Variants in IGLL5 observed in about 807,000 individuals in gnomAD.
IGLL5 encodes immunoglobulin lambda-like polypeptide 5.
A neutral mutation model predicts 20.9 loss-of-function variants in IGLL5; 30 were observed. That is an observed-to-expected ratio of 1.44 (90% CI 1.07 to 1.95). IGLL5 has a LOEUF of 1.95. IGLL5 is among the 30% of genes most tolerant of loss of function. The pLI is 0.00. For synonymous variants in IGLL5, 203 were observed against 117.3 expected (o/e 1.73, Z -4.72); for missense variants, 475 against 270.7 (o/e 1.75, Z -5.30).
intron 1 of IGLL5, among the ~76,000 whole-genome samples, chr22:22,891,181 A>C (rs1309327294): frequency 6.6e-6 from 1 of 150,610 alleles, no homozygotes; most frequent in Non-Finnish European, 1.5e-5. Context: ...CAATATTATA[A>C]ACTCATTTTT....
intron 1 of IGLL5, among the ~76,000 whole-genome samples, chr22:22,889,021 C>T (rs576449013): frequency 4.0e-5 from 6 of 151,302 alleles, no homozygotes; most frequent in East Asian, 4.0e-4. Flanking sequence ...GGCAAGAAGA[C>T]CATAGGGTCC....
intron 2 of IGLL5, among the ~76,000 whole-genome samples, chr22:22,894,462 A>G (rs1443759492): frequency 2.0e-5 from 3 of 151,260 alleles, no homozygotes; most frequent in South Asian, 4.2e-4. Flanking sequence ...CAGGACAGTC[A>G]CCAGAAAGGA....
intron 1 of IGLL5, among the ~76,000 whole-genome samples, chr22:22,888,642 C>T (rs575695499): frequency 6.6e-6 from 1 of 151,304 alleles, no homozygotes; most frequent in Admixed American, 6.6e-5. Flanking sequence ...CCCTCCTCCT[C>T]TCTGCCCATG....
chr22:22,888,434 T>A (rs117021359), intron 1 of IGLL5, among the ~76,000 whole-genome samples, 175 bp downstream of exon 1: 1 of 151,424 alleles, frequency 6.6e-6, no homozygotes, highest in South Asian at 2.1e-4. Flanking sequence ...TTTGTTTGAA[T>A]TACTGTTTTT....
intron 2 of IGLL5, among the ~76,000 whole-genome samples, chr22:22,895,131 T>A (rs188052083): frequency 6.6e-6 from 1 of 150,968 alleles, no homozygotes; most frequent in Non-Finnish European, 1.5e-5. Flanking sequence ...ATTGAGGCTG[T>A]AGAGGAGAGG....
At position 22,888,064 on chromosome 22, in the gene IGLL5, A is replaced by G. The variant is rs1397534954; in HGVS notation, c.11A>G (p.Lys4Arg). The change falls in exon 1 of 3, where the codon AAG (lysine) becomes AGG (arginine). Residue 4 changes from lysine to arginine, a missense_variant. Coordinates refer to ENST00000526893, the MANE Select transcript of IGLL5 (RefSeq NM_001178126.2). ...TGAACCTGAAGGCCAATGAGACCCAAGACAGGCCAAGTGGGTTGTGAGACC... is the reference window on the plus strand; with the variant it reads ...TGAACCTGAAGGCCAATGAGACCCAGGACAGGCCAAGTGGGTTGTGAGACC... MRPKTGQVGCETPE... is the reference protein window; with the variant it reads MRPRTGQVGCETPE... 4 of 1,549,170 alleles carry G rather than the reference A, an allele frequency of 2.6e-6. No homozygotes were observed. Among genetic ancestry groups the G allele is most frequent in the South Asian group, 1.2e-5 (1 of 83,982 alleles).
chr22:22,893,868 G>T (rs191815273), intron 2 of IGLL5, 50 bp downstream of exon 2: 5 of 1,278,730 alleles, frequency 3.9e-6, no homozygotes, highest in Middle Eastern at 1.9e-4. Flanking sequence ...TGCTGTCCCT[G>T]GAAAATCTGT....
chr22:22,889,272 T>A, intron 1 of IGLL5, among the ~76,000 whole-genome samples: 1 of 150,840 alleles, frequency 6.6e-6, no homozygotes, highest in East Asian at 2.0e-4. Flanking sequence ...CAGTTTCCTA[T>A]GAAATGGGAG....
chr22:22,893,161 TTGATGG>T (rs1363646304), intron 1 of IGLL5, among the ~76,000 whole-genome samples: 1 of 150,872 alleles, frequency 6.6e-6, no homozygotes, highest in Non-Finnish European at 1.5e-5. Flanking sequence ...GGATGATAGA[TTGATGG>T]ACAAACAGAT....
chr22:22,894,942 A>G (rs1268699058), intron 2 of IGLL5, among the ~76,000 whole-genome samples: 1 of 151,380 alleles, frequency 6.6e-6, no homozygotes, highest in Admixed American at 6.6e-5. Flanking sequence ...ACAGTCCTAC[A>G]GGATGAGCAG....
At chr22:22,893,878 TTTTCTCTCTCTGGGGCTTCCTCCCC>T (rs2067940344) in intron 2 of IGLL5, 60 bp downstream of exon 2, 1 of 1,190,040 alleles carries the variant, frequency 8.4e-7, no homozygotes, top group Admixed American at 1.7e-5. Flanking sequence ...GGAAAATCTG[TTTTCTCTCTCTGGGGCTTCCTCCCC>T]TCTGTCCTCC....
At chr22:22,894,390 T>C (rs2068025666) in intron 2 of IGLL5, among the ~76,000 whole-genome samples, 5 of 151,392 alleles carry the variant, frequency 3.3e-5, no homozygotes, top group South Asian at 2.1e-4. Flanking sequence ...TGCTGGGTCA[T>C]GAGGACATGG....
intron 1 of IGLL5, 41 bp downstream of exon 1, chr22:22,888,300 G>A (rs571814878): frequency 4.6e-6 from 7 of 1,533,340 alleles, no homozygotes; most frequent in Admixed American, 2.0e-5. Context: ...GGGTCCTGCA[G>A]CAGAGCTGGG....
intron 2 of IGLL5, among the ~76,000 whole-genome samples, chr22:22,894,477 G>A (rs547795492): frequency 2.0e-5 from 3 of 151,548 alleles, no homozygotes; most frequent in South Asian, 2.1e-4. Flanking sequence ...AAAGGAGACA[G>A]TCTCTTAGGG....
At chr22:22,888,460 T>A (rs113528445) in intron 1 of IGLL5, among the ~76,000 whole-genome samples, 17 of 151,288 alleles carry the variant, frequency 1.1e-4, no homozygotes, top group East Asian at 8.1e-4. Context: ...CATATTACGA[T>A]ATTATTTTTC....
intron 2 of IGLL5, among the ~76,000 whole-genome samples, chr22:22,894,907 G>A (rs566724520): frequency 6.6e-6 from 1 of 151,476 alleles, no homozygotes; most frequent in Non-Finnish European, 1.5e-5. Flanking sequence ...GCAGGCTTGG[G>A]TCTCCCCACA....
chr22:22,889,402 T>C (rs575388153), intron 1 of IGLL5, among the ~76,000 whole-genome samples: 6 of 151,230 alleles, frequency 4.0e-5, no homozygotes, highest in East Asian at 4.1e-4. Flanking sequence ...AAAGTGTGTT[T>C]ATCTAAACTG....
intron 2 of IGLL5, among the ~76,000 whole-genome samples, chr22:22,894,304 ACAGAGGT>A (rs2068014293): frequency 6.6e-6 from 1 of 151,254 alleles, no homozygotes; most frequent in African/African-American, 2.4e-5. Context: ...GCCTGGTGAC[ACAGAGGT>A]CACCCCAAGG....
At chr22:22,890,783 T>A (rs2146010626) in intron 1 of IGLL5, among the ~76,000 whole-genome samples, 1 of 151,254 alleles carries the variant, frequency 6.6e-6, no homozygotes, top group South Asian at 2.1e-4. Flanking sequence ...AAATTGTTGA[T>A]CTTTTTATAT....
Sources: gnomAD v4.1 joint callset for allele counts (sites outside exome capture counted in the v4.1 genomes callset) on GRCh38, gnomAD v4.1.1 for gene constraint, MANE v1.5 for transcripts, NCBI Gene and HGNC (gene_info 2026-07-23, HGNC 2026-07-21) for gene names.